Variants in RBFOX3 observed in about 807,000 individuals in gnomAD.
RBFOX3 encodes the protein RNA binding fox-1 homolog 3.
RBFOX3 carries 17 observed loss-of-function variants against 48.7 expected under a neutral mutation model. The observed-to-expected ratio is 0.35, with a 90% CI of 0.24 to 0.52. The LOEUF (loss-of-function observed/expected upper bound fraction) is 0.52, where lower values mean the gene tolerates loss of function less well. Ranked by LOEUF, RBFOX3 falls within the 20% of genes least tolerant of loss-of-function variation. The probability of loss-of-function intolerance (pLI) is 0.94; values close to 1 mark genes in which losing one functional copy is unlikely to be tolerated. For missense variants in RBFOX3, 382 were observed against 497.5 expected (o/e 0.77, Z 2.21); for synonymous variants, 212 against 209.5 (o/e 1.01, Z -0.10).
intron 4 of RBFOX3, among the ~76,000 whole-genome samples, chr17:79,216,279 G>C (rs897839097): frequency 5.9e-5 from 9 of 152,238 alleles, no homozygotes; most frequent in African/African-American, 1.9e-4. Context: ...AGCCACTGTG[G>C]TCTCTGCGGT....
At chr17:79,335,308 G>C (rs2081019558) in intron 2 of RBFOX3, among the ~76,000 whole-genome samples, 1 of 152,234 alleles carries the variant, frequency 6.6e-6, no homozygotes, top group Admixed American at 6.5e-5. Flanking sequence ...GAGTCTGGGG[G>C]ACCTGCATGT....
rs1598608175 is a variant in RBFOX3, at chr17:79,418,858, C to A, written c.-175+63596G>T. Among the ~76,000 whole-genome samples, 2 of 152,260 alleles carry A rather than the reference C, an allele frequency of 1.3e-5. No individual in the cohort carries two copies. The highest frequency in any genetic ancestry group is 4.8e-5 in the African/African-American group (2 of 41,548). On this transcript the variant is annotated intron_variant, in intron 2 of 14. Coordinates refer to ENST00000693108, the MANE Select transcript of RBFOX3 (RefSeq NM_001350451.2). The surrounding 1 kb of genome is among the most constrained non-coding windows in gnomAD (Gnocchi z 5.0). Reference sequence around the variant, plus strand: ...AGGCAGTAGGTTTGAGGAGATGGCACCCTTGTCTGTGCTAGCTCAGACTGG... The same window carrying A: ...AGGCAGTAGGTTTGAGGAGATGGCAACCTTGTCTGTGCTAGCTCAGACTGG...
the RBFOX3 span, among the ~76,000 whole-genome samples, chr17:79,649,292 T>C: frequency 2.6e-5 from 4 of 152,178 alleles, no homozygotes; most frequent in Non-Finnish European, 5.9e-5. Context: ...GAAATAAACA[T>C]CTACTGGGAC....
intron 2 of RBFOX3, among the ~76,000 whole-genome samples, chr17:79,327,233 G>A (rs2079473993): frequency 6.6e-6 from 1 of 152,322 alleles, no homozygotes; most frequent in East Asian, 1.9e-4. Context: ...AGAGAAGACT[G>A]GATTTTAAGT....
intron 2 of RBFOX3, among the ~76,000 whole-genome samples, chr17:79,319,816 T>TA (rs1450004202): frequency 0.047 from 2,270 of 48,384 alleles, 227 homozygotes; most frequent in African/African-American, 0.074. Flanking sequence ...GCTGTTGGTC[T>TA]TGTCCAGGCT....
intron 2 of RBFOX3, among the ~76,000 whole-genome samples, chr17:79,376,437 G>T (rs1044422013): frequency 6.6e-6 from 1 of 152,158 alleles, no homozygotes; most frequent in Admixed American, 6.5e-5. Flanking sequence ...TGCAGATACT[G>T]GGGAGACTGG....
chr17:79,337,264 A>T (rs2081339629), intron 2 of RBFOX3, among the ~76,000 whole-genome samples: 1 of 152,128 alleles, frequency 6.6e-6, no homozygotes, highest in Admixed American at 6.5e-5. Context: ...ACAAAAAAAA[A>T]ATTAATCCCA....
At chr17:79,587,256 C>T (rs1178292791) in intron 1 of RBFOX3, among the ~76,000 whole-genome samples, 1 of 152,230 alleles carries the variant, frequency 6.6e-6, no homozygotes, top group Non-Finnish European at 1.5e-5. Context: ...CTTTTCCACA[C>T]TCGGTCACTA....
intron 4 of RBFOX3, among the ~76,000 whole-genome samples, chr17:79,141,399 G>A (rs2041889501): frequency 6.6e-6 from 1 of 152,204 alleles, no homozygotes; most frequent in Non-Finnish European, 1.5e-5. Context: ...GAAGGCAGAG[G>A]CCCTGCCTAG....
intron 1 of RBFOX3, among the ~76,000 whole-genome samples, chr17:79,528,020 T>G (rs2087035271): frequency 6.6e-6 from 1 of 152,250 alleles, no homozygotes. Flanking sequence ...TGAGTACCTC[T>G]GAGGAGAATC....
At chr17:79,503,877 G>C (rs980594591) in intron 1 of RBFOX3, among the ~76,000 whole-genome samples, 1 of 152,216 alleles carries the variant, frequency 6.6e-6, no homozygotes, top group Non-Finnish European at 1.5e-5. Context: ...AGAGCTCACA[G>C]GGGCTCCTGG....
chr17:79,548,020 G>A (rs2090694223), intron 1 of RBFOX3, among the ~76,000 whole-genome samples: 2 of 152,202 alleles, frequency 1.3e-5, no homozygotes, highest in South Asian at 2.1e-4. Context: ...GGACTACTCT[G>A]AACATTTCTT....
Position 79,392,233 on chromosome 17 carries a change from C to T in RBFOX3, c.-174-84409G>A, listed in dbSNP as rs149979964. Among the ~76,000 whole-genome samples, 781 of 152,300 alleles carry T rather than the reference C, an allele frequency of 5.1e-3. 10 individuals are homozygous for T. The highest frequency in any genetic ancestry group is 0.018 in the African/African-American group (760 of 41,572). ...TTTTCTCAGTGGTTAGTTATGCCAA[C>T]GATTGTTCCAGAATCCAAACTCACA... is the stretch of plus-strand genomic sequence containing the variant. On this transcript the variant is annotated intron_variant, in intron 2 of 14. Transcript: ENST00000693108. This position sits in a 1 kb window ranked among gnomAD's most constrained non-coding sequence, Gnocchi z 5.0.
intron 1 of RBFOX3, among the ~76,000 whole-genome samples, chr17:79,488,634 G>A (rs1030085413): frequency 1.3e-5 from 2 of 152,110 alleles, no homozygotes; most frequent in Admixed American, 6.6e-5. Context: ...GATCCTTTCC[G>A]CATCAACTCA....
intron 1 of RBFOX3, among the ~76,000 whole-genome samples, chr17:79,485,811 C>A (rs2079507213): frequency 6.6e-6 from 1 of 152,264 alleles, no homozygotes; most frequent in Non-Finnish European, 1.5e-5. Context: ...CCGCACCCCT[C>A]CTCTGCCGCC....
intron 2 of RBFOX3, among the ~76,000 whole-genome samples, chr17:79,396,005 C>T (rs938105168): frequency 5.9e-5 from 9 of 152,212 alleles, no homozygotes; most frequent in African/African-American, 1.7e-4. Flanking sequence ...TTCCAGGATC[C>T]GGGTCTGGTG....
At chr17:79,218,698 T>C (rs2059365263) in intron 4 of RBFOX3, among the ~76,000 whole-genome samples, 1 of 152,152 alleles carries the variant, frequency 6.6e-6, no homozygotes, top group Non-Finnish European at 1.5e-5. Flanking sequence ...AGGGTTCCAT[T>C]CTGCCTGCAG....
the RBFOX3 span, among the ~76,000 whole-genome samples, chr17:79,634,039 G>T: frequency 6.6e-6 from 1 of 152,164 alleles, no homozygotes; most frequent in African/African-American, 2.4e-5. Flanking sequence ...GACGCCTTTG[G>T]CAGCTCATCC....
intron 4 of RBFOX3, among the ~76,000 whole-genome samples, chr17:79,166,334 C>G (rs2048008378): frequency 6.6e-6 from 1 of 152,178 alleles, no homozygotes; most frequent in Non-Finnish European, 1.5e-5. Context: ...TTGTGGGGAG[C>G]CCGCCAGGAG....
Sources: gnomAD v4.1 joint callset for allele counts (sites outside exome capture counted in the v4.1 genomes callset) on GRCh38, gnomAD v4.1.1 for gene constraint, Gnocchi (gnomAD v3.1) non-coding constraint, MANE v1.5 for transcripts, NCBI Gene and HGNC (gene_info 2026-07-23, HGNC 2026-07-21) for gene names.